The following KCNMB4 variants were observed in gnomAD, a reference collection of about 807,000 sequenced individuals.
KCNMB4 encodes the protein calcium-activated potassium channel subunit beta-4.
In KCNMB4, 3 loss-of-function variants were observed where a neutral mutation model predicts 20.7. The ratio of observed to expected loss-of-function variants is 0.14; its 90% CI spans 0.07 to 0.37. The LOEUF (loss-of-function observed/expected upper bound fraction) is 0.37. KCNMB4 is among the 10% of genes least tolerant of loss of function. The pLI, the probability that KCNMB4 is intolerant of heterozygous loss-of-function variation, is 1.00. For missense variants in KCNMB4, 168 were observed against 265.9 expected, an observed-to-expected ratio of 0.63 and a Z score of 2.56; for synonymous variants, 110 against 113.4, an observed-to-expected ratio of 0.97 and a Z score of 0.19.
chr12:70,370,612 C>T (rs1275181256), intron 1 of KCNMB4, among the ~76,000 whole-genome samples: 2 of 151,628 alleles, frequency 1.3e-5, no homozygotes, highest in East Asian at 3.9e-4. Flanking sequence ...CCGGCCAGTG[C>T]TACTGAATTT....
chr12:70,416,402 C>CA (rs1196974547), intron 2 of KCNMB4, among the ~76,000 whole-genome samples: 1 of 152,168 alleles, frequency 6.6e-6, no homozygotes, highest in Non-Finnish European at 1.5e-5. Flanking sequence ...ACCAATCTGA[C>CA]AGTTATTTAC....
At chr12:70,428,726 A>G (rs1185218801) in intron 2 of KCNMB4, among the ~76,000 whole-genome samples, 1 of 152,230 alleles carries the variant, frequency 6.6e-6, no homozygotes. Flanking sequence ...ATCTATTTGT[A>G]GAATAGCAGC....
intron 1 of KCNMB4, among the ~76,000 whole-genome samples, chr12:70,395,132 A>G (rs535789222): frequency 1.6e-5 from 2 of 127,912 alleles, no homozygotes; most frequent in Non-Finnish European, 1.6e-5. Flanking sequence ...ATAATTAAAC[A>G]TGTGTTCCAG....
At chr12:70,422,902 G>T in intron 2 of KCNMB4, 1 of 1,072,184 alleles carries the variant, frequency 9.3e-7, no homozygotes, top group Non-Finnish European at 1.2e-6. Flanking sequence ...GAGTGGCGAC[G>T]GTTTCCCCAG....
At chr12:70,411,125 A>C (rs543543562) in intron 2 of KCNMB4, among the ~76,000 whole-genome samples, 2 of 152,350 alleles carry the variant, frequency 1.3e-5, no homozygotes, top group East Asian at 3.9e-4. Context: ...AATGATCTCT[A>C]AAATTCCTTC....
At position 70,432,566 on chromosome 12, in the gene KCNMB4, G is replaced by C. The variant is rs369835081; in HGVS notation, c.*1913G>C. ...TCTGGGGTTACTGGTGTGCACCACC[G>C]TGCTTGGCTCCAATAATTTTTTTTC... is the stretch of plus-strand genomic sequence containing the variant. On this transcript the variant is annotated 3_prime_UTR_variant, in exon 3 of 3. Coordinates refer to ENST00000258111, the MANE Select transcript of KCNMB4 (RefSeq NM_014505.6). 1 of 152,104 alleles carries C rather than the reference G, an allele frequency of 6.6e-6. No homozygotes were observed. The highest frequency in any genetic ancestry group is 2.4e-5 in the African/African-American group (1 of 41,422). The allele number at this position is 152,104 out of a possible 1,614,324, so 9.4% of individuals were successfully genotyped here. A position where few individuals can be genotyped will look rare whatever the true frequency, so the allele number is the denominator to read the frequency against.
At chr12:70,425,904 C>T (rs1334122710) in intron 2 of KCNMB4, among the ~76,000 whole-genome samples, 1 of 152,042 alleles carries the variant, frequency 6.6e-6, no homozygotes, top group Non-Finnish European at 1.5e-5. Context: ...TTTGGGGGGC[C>T]GAGGCAGGCG....
chr12:70,416,454 A>G (rs568198629), intron 2 of KCNMB4, among the ~76,000 whole-genome samples: 3 of 152,352 alleles, frequency 2.0e-5, no homozygotes, highest in Admixed American at 6.5e-5. Context: ...CTACCAGGAT[A>G]AAGTTAAGCT....
chr12:70,374,463 G>A (rs1883652080), intron 1 of KCNMB4, among the ~76,000 whole-genome samples: 1 of 152,086 alleles, frequency 6.6e-6, no homozygotes, highest in African/African-American at 2.4e-5. Flanking sequence ...CATTGCATAT[G>A]TTTCCAACCA....
chr12:70,385,172 T>G (rs962520649), intron 1 of KCNMB4, among the ~76,000 whole-genome samples: 3 of 152,202 alleles, frequency 2.0e-5, no homozygotes, highest in African/African-American at 7.2e-5. Flanking sequence ...ACTTCAGAAT[T>G]GTTAGTTCAA....
intron 2 of KCNMB4, among the ~76,000 whole-genome samples, chr12:70,409,327 G>A (rs1868702560): frequency 6.6e-6 from 1 of 152,116 alleles, no homozygotes. Context: ...GTCAGCCTTG[G>A]TCTTTCTCTT....
intron 2 of KCNMB4, among the ~76,000 whole-genome samples, chr12:70,407,577 C>G (rs1868643403): frequency 6.9e-6 from 1 of 144,720 alleles, no homozygotes. Context: ...ACACCATTCT[C>G]CTGCCTCAGC....
Position 70,366,599 on chromosome 12 carries a change from C to G in KCNMB4, c.-136C>G, listed in dbSNP as rs1477071007. 2.0e-6 allele frequency: 1 copy of G among 492,874 alleles called. No homozygotes were observed. The highest frequency in any genetic ancestry group is 2.9e-6 in the Non-Finnish European group (1 of 343,292). The allele number at this position is 492,874 out of a possible 1,614,324, so 30.5% of individuals were successfully genotyped here. A position where few individuals can be genotyped will look rare whatever the true frequency, so the allele number is the denominator to read the frequency against. ...GGCCCCTTTGTTCTCGCGCGCTCCCCCTCGCCGCCCACTCCCCTGCTGTCG... is the reference window on the plus strand; with the variant it reads ...GGCCCCTTTGTTCTCGCGCGCTCCCGCTCGCCGCCCACTCCCCTGCTGTCG... On this transcript the variant is annotated 5_prime_UTR_variant, in exon 1 of 3. Transcript: ENST00000258111.
chr12:70,413,467 G>T (rs1056845911), intron 2 of KCNMB4, among the ~76,000 whole-genome samples: 9 of 151,928 alleles, frequency 5.9e-5, no homozygotes, highest in African/African-American at 2.2e-4. Flanking sequence ...GCAGGGCTGT[G>T]CGTCAGGAGA....
chr12:70,411,100 T>TA (rs899014249), intron 2 of KCNMB4, among the ~76,000 whole-genome samples: 9 of 152,342 alleles, frequency 5.9e-5, no homozygotes, highest in Non-Finnish European at 1.0e-4. Flanking sequence ...TAAAATTTGA[T>TA]AGACTGATGG....
chr12:70,427,476 AT>A, intron 2 of KCNMB4, among the ~76,000 whole-genome samples: 1 of 152,334 alleles, frequency 6.6e-6, no homozygotes, highest in Middle Eastern at 3.4e-3. Flanking sequence ...GACATGAATT[AT>A]TTTTAAAGAA....
chr12:70,384,024 G>A lies in KCNMB4; in HGVS notation c.337-16185G>A, dbSNP rs563456085. On this transcript the variant is annotated intron_variant, in intron 1 of 2. Coordinates refer to ENST00000258111, the MANE Select transcript of KCNMB4 (RefSeq NM_014505.6). Reference sequence around the variant, plus strand: ...GCAGAAGTTGCAGTGAGCCGAGACCGTGCCACTGCATTCCAGCCTGAGTGA... The same window carrying A: ...GCAGAAGTTGCAGTGAGCCGAGACCATGCCACTGCATTCCAGCCTGAGTGA... 2.6e-4 allele frequency among the ~76,000 whole-genome samples: 39 copies of A among 152,218 alleles called. No individual in the cohort carries two copies. The South Asian group carries it at 7.3e-3, about 28-fold the overall frequency.
chr12:70,369,847 G>C (rs985445022), intron 1 of KCNMB4, among the ~76,000 whole-genome samples: 1 of 152,116 alleles, frequency 6.6e-6, no homozygotes, highest in African/African-American at 2.4e-5. Context: ...ATCCAGTCTT[G>C]TAATAGAGTA....
At chr12:70,424,010 G>C (rs1327375650) in intron 2 of KCNMB4, among the ~76,000 whole-genome samples, 1 of 152,200 alleles carries the variant, frequency 6.6e-6, no homozygotes, top group Non-Finnish European at 1.5e-5. Context: ...CTTCACAGTA[G>C]TATATAAGAA....
Sources: gnomAD v4.1 joint callset for allele counts (sites outside exome capture counted in the v4.1 genomes callset) on GRCh38, gnomAD v4.1.1 for gene constraint, MANE v1.5 for transcripts, NCBI Gene and HGNC (gene_info 2026-07-23, HGNC 2026-07-21) for gene names.